The following TGFBRAP1 variants were observed in gnomAD, a reference collection of about 807,000 sequenced individuals.
TGFBRAP1 encodes transforming growth factor-beta receptor-associated protein 1.
Under a neutral mutation model 83.2 loss-of-function variants are expected in TGFBRAP1, and 20 were observed. That is an observed-to-expected ratio of 0.24 (90% CI 0.17 to 0.35). The LOEUF is 0.35. Ranked by LOEUF, TGFBRAP1 falls within the 10% of genes least tolerant of loss-of-function variation. The pLI, the probability that TGFBRAP1 is intolerant of heterozygous loss-of-function variation, is 1.00. For missense variants in TGFBRAP1, 950 were observed against 1,099.4 expected (o/e 0.86, Z 1.92); for synonymous variants, 415 against 459.8 (o/e 0.90, Z 1.25).
At chr2:105,321,780 CAT>C (rs1236102388) in intron 1 of TGFBRAP1, among the ~76,000 whole-genome samples, 2 of 152,220 alleles carry the variant, frequency 1.3e-5, no homozygotes, top group African/African-American at 4.8e-5. Context: ...ATGCATCACT[CAT>C]GTGTGGTGTT....
chr2:105,294,700 G>A (rs1678024033), intron 4 of TGFBRAP1, among the ~76,000 whole-genome samples: 1 of 152,148 alleles, frequency 6.6e-6, no homozygotes, highest in African/African-American at 2.4e-5. Context: ...AAAACCCTGA[G>A]ATACCAGATT....
chr2:105,281,877 C>T (rs895230970), intron 5 of TGFBRAP1, among the ~76,000 whole-genome samples: 17 of 151,592 alleles, frequency 1.1e-4, no homozygotes, highest in South Asian at 6.3e-4. Context: ...ATGACTGGGG[C>T]GGGGGTGTGC....
At position 105,265,613 on chromosome 2, in the gene TGFBRAP1, A is replaced by G. The variant is rs1308577910; in HGVS notation, c.*1770T>C. The G allele has an allele frequency of 1.3e-5, 2 of 152,846 alleles. No individual in the cohort carries two copies. Among genetic ancestry groups the G allele is most frequent in the Non-Finnish European group, 2.9e-5 (2 of 68,062 alleles). 9.5% of individuals were successfully genotyped at this position (152,846 alleles called of 1,614,324 possible). ...AAACTCAAACTCACAAGTTGTCATG[A>G]TAACATATGCAGTAATATGACCATT... On this transcript the variant is annotated 3_prime_UTR_variant, in exon 12 of 12. Coordinates refer to ENST00000393359, the MANE Select transcript of TGFBRAP1 (RefSeq NM_004257.6).
chr2:105,313,899 G>T (rs941470507), intron 1 of TGFBRAP1, among the ~76,000 whole-genome samples: 4 of 151,844 alleles, frequency 2.6e-5, no homozygotes, highest in Admixed American at 2.6e-4. Context: ...TTTGAAACAA[G>T]GAACAAGACA....
chr2:105,302,954 T>C (rs956217947), intron 2 of TGFBRAP1, among the ~76,000 whole-genome samples: 4 of 152,204 alleles, frequency 2.6e-5, no homozygotes, highest in Admixed American at 6.5e-5. Flanking sequence ...TTTCCAATAA[T>C]TATACTGTGG....
chr2:105,315,514 A>G (rs1280589079), intron 1 of TGFBRAP1, among the ~76,000 whole-genome samples: 3 of 152,236 alleles, frequency 2.0e-5, no homozygotes, highest in Non-Finnish European at 4.4e-5. Flanking sequence ...ACTCCTACAA[A>G]CTAATAACAA....
chr2:105,319,067 G>T lies in TGFBRAP1; in HGVS notation c.-18+10558C>A, dbSNP rs374893554. Among the ~76,000 whole-genome samples the T allele has an allele frequency of 2.5e-3, 372 of 151,152 alleles. 5 individuals carry two copies. The South Asian group carries it at 0.046, about 19-fold the overall frequency. ...AAACGTGGAATGAGAGCCTTTTTTT[G>T]TGTGTGTGTGTGAGACAGAGTCTCA... is the stretch of plus-strand genomic sequence containing the variant. On this transcript the variant is annotated intron_variant, in intron 1 of 11. Transcript: ENST00000393359.
chr2:105,258,132 AT>A, the TGFBRAP1 span, among the ~76,000 whole-genome samples: 3 of 152,218 alleles, frequency 2.0e-5, no homozygotes. Context: ...GAACATGATC[AT>A]AAACTTGGAG....
downstream of TGFBRAP1, among the ~76,000 whole-genome samples, chr2:105,262,121 G>C (rs1676802797): frequency 6.6e-6 from 1 of 152,110 alleles, no homozygotes; most frequent in South Asian, 2.1e-4. Context: ...CACGAGAAGG[G>C]AACTCAGATA....
downstream of TGFBRAP1, among the ~76,000 whole-genome samples, chr2:105,263,367 T>C (rs1022289962): frequency 3.9e-5 from 6 of 152,362 alleles, no homozygotes; most frequent in African/African-American, 1.2e-4. Flanking sequence ...TGGGCTGTGT[T>C]CTGGTTATCT....
At chr2:105,281,075 T>C (rs753284710) in intron 5 of TGFBRAP1, among the ~76,000 whole-genome samples, 3 of 152,192 alleles carry the variant, frequency 2.0e-5, no homozygotes, top group Non-Finnish European at 4.4e-5. Flanking sequence ...CATCAGAGTC[T>C]GCGCAAAGGC....
intron 2 of TGFBRAP1, among the ~76,000 whole-genome samples, chr2:105,300,954 T>C (rs1263695809): frequency 6.6e-6 from 1 of 152,134 alleles, no homozygotes; most frequent in Non-Finnish European, 1.5e-5. Context: ...TTGGCCGCAG[T>C]GGCTCACACC....
chr2:105,277,645 T>A lies in TGFBRAP1; in HGVS notation c.1490A>T (p.His497Leu), dbSNP rs768619347. Reference sequence around the variant, plus strand: ...TGCAGCAGCATCTTGGTTATTATAATGATAGAGCAGTCCAAGTGCAAAATA... The same window carrying A: ...TGCAGCAGCATCTTGGTTATTATAAAGATAGAGCAGTCCAAGTGCAAAATA... ...KKYFALGLLY[H>L]YNNQDAAAVQ... is the part of the protein sequence containing the mutation. Residue 497 changes from histidine (H) to leucine (L), a missense_variant, in exon 7 of 12, where the codon CAT becomes CTT. His to Leu is a moderately conservative substitution (Grantham distance 99). Transcript: ENST00000393359. 112 of 1,614,058 alleles carry A rather than the reference T, an allele frequency of 6.9e-5. No individual in the cohort carries two copies. The highest frequency in any genetic ancestry group is 9.0e-5 in the Non-Finnish European group (106 of 1,180,044).
intron 1 of TGFBRAP1, among the ~76,000 whole-genome samples, chr2:105,316,470 C>G (rs977180237): frequency 2.1e-5 from 2 of 94,182 alleles, no homozygotes; most frequent in Non-Finnish European, 4.3e-5. Flanking sequence ...TGTGCGCGCG[C>G]GCGCGCGCGC....
intron 1 of TGFBRAP1, among the ~76,000 whole-genome samples, chr2:105,314,476 T>G (rs1410859771): frequency 4.0e-5 from 6 of 151,628 alleles, no homozygotes; most frequent in African/African-American, 1.5e-4. Context: ...GGTCTCGATC[T>G]CCTGACCTCA....
At chr2:105,320,518 G>T (rs990880663) in intron 1 of TGFBRAP1, among the ~76,000 whole-genome samples, 1 of 152,012 alleles carries the variant, frequency 6.6e-6, no homozygotes, top group African/African-American at 2.4e-5. Flanking sequence ...AGGAATGTGG[G>T]CCACACACCT....
chr2:105,318,062 T>A (rs966190769), intron 1 of TGFBRAP1, among the ~76,000 whole-genome samples: 1 of 152,156 alleles, frequency 6.6e-6, no homozygotes, highest in Non-Finnish European at 1.5e-5. Flanking sequence ...AGGTTATCAT[T>A]ACCTAGGAAG....
chr2:105,316,583 G>A (rs1023423377), intron 1 of TGFBRAP1, among the ~76,000 whole-genome samples: 3 of 151,896 alleles, frequency 2.0e-5, no homozygotes, highest in African/African-American at 7.3e-5. Context: ...GGGAGGCCGA[G>A]GCAAGTGGAT....
intron 6 of TGFBRAP1, 68 bp downstream of exon 6, chr2:105,280,314 C>G: frequency 6.6e-7 from 1 of 1,516,564 alleles, no homozygotes; most frequent in Admixed American, 1.8e-5. Context: ...CGAGGATCTC[C>G]CCAGCAAAGA....
Sources: gnomAD v4.1 joint callset for allele counts (sites outside exome capture counted in the v4.1 genomes callset) on GRCh38, gnomAD v4.1.1 for gene constraint, MANE v1.5 for transcripts, NCBI Gene and HGNC (gene_info 2026-07-23, HGNC 2026-07-21) for gene names.